The following PIP4K2A variants were observed in gnomAD, a reference collection of about 807,000 sequenced individuals.
PIP4K2A encodes the protein phosphatidylinositol-5-phosphate 4-kinase type 2 alpha, also known as phosphatidylinositol 5-phosphate 4-kinase type-2 alpha.
PIP4K2A carries 14 observed loss-of-function variants against 42.9 expected under a neutral mutation model. The observed-to-expected ratio is 0.33, with a 90% CI of 0.22 to 0.51. PIP4K2A has a LOEUF of 0.51. Among genes scored for constraint, PIP4K2A ranks in the 20% least tolerant of loss-of-function variants. The probability of loss-of-function intolerance (pLI) is 0.97; values close to 1 mark genes in which losing one functional copy is unlikely to be tolerated. For missense variants in PIP4K2A, 434 were observed against 519.8 expected (o/e 0.83, Z 1.61); for synonymous variants, 192 against 192.2 (o/e 1.00, Z 0.01).
intron 7 of PIP4K2A, among the ~76,000 whole-genome samples, chr10:22,546,837 C>T (rs1246800931): frequency 6.6e-6 from 1 of 152,104 alleles, no homozygotes; most frequent in Non-Finnish European, 1.5e-5. Flanking sequence ...GGCTTCACTG[C>T]GGGGTCTGCT....
intron 7 of PIP4K2A, among the ~76,000 whole-genome samples, chr10:22,545,075 G>A (rs777320262): frequency 1.3e-4 from 20 of 152,282 alleles, no homozygotes; most frequent in South Asian, 4.1e-4. Flanking sequence ...CCCGAATCCC[G>A]GCAGGCAGAG....
chr10:22,664,142 CATATATAT>C lies in PIP4K2A; in HGVS notation c.144+50033_144+50040del, dbSNP rs1554807247. On this transcript the variant is annotated intron_variant, in intron 1 of 9. Transcript: ENST00000376573. ...ATATATATATATACATATATATATA[CATATATAT>C]ACACATATATATATATACATATATA... Among the ~76,000 whole-genome samples the C allele has an allele frequency of 8.8e-3, 245 of 27,874 alleles. 10 individuals carry two copies. Among genetic ancestry groups the C allele is most frequent in the African/African-American group, 0.029 (85 of 2,942 alleles). The allele number at this position is 27,874 out of a possible 152,430, so 18.3% of individuals were successfully genotyped here. A position where few individuals can be genotyped will look rare whatever the true frequency, so the allele number is the denominator to read the frequency against.
intron 7 of PIP4K2A, among the ~76,000 whole-genome samples, chr10:22,543,577 A>G (rs953938188): frequency 2.0e-5 from 3 of 152,226 alleles, no homozygotes; most frequent in African/African-American, 7.2e-5. Context: ...CCCCCATTAC[A>G]GTAAACATGA....
intron 1 of PIP4K2A, among the ~76,000 whole-genome samples, chr10:22,623,760 T>C (rs537621080): frequency 5.9e-5 from 9 of 152,282 alleles, no homozygotes; most frequent in Admixed American, 1.3e-4. Context: ...CTTAAGAGGA[T>C]GCCTGAAAAA....
At position 22,666,006 on chromosome 10, in the gene PIP4K2A, T is replaced by C. The variant is rs543938344; in HGVS notation, c.144+48177A>G. Among the ~76,000 whole-genome samples the C allele has an allele frequency of 2.0e-5, 3 of 152,234 alleles. No homozygotes were observed. In the East Asian group the frequency reaches 5.8e-4, roughly 29 times the overall value. On this transcript the variant is annotated intron_variant, in intron 1 of 9. Transcript: ENST00000376573. ...GCTTTCCAGGAATGCTATATAAACA[T>C]ACAACATTCTCTACAATGTCTGAAA...
At chr10:22,600,382 G>C in intron 3 of PIP4K2A, among the ~76,000 whole-genome samples, 1 of 152,070 alleles carries the variant, frequency 6.6e-6, no homozygotes, top group East Asian at 1.9e-4. Context: ...ATCTCCTCAC[G>C]GTGGCACAGT....
chr10:22,641,320 G>A (rs1319434024), intron 1 of PIP4K2A, among the ~76,000 whole-genome samples: 1 of 152,178 alleles, frequency 6.6e-6, no homozygotes, highest in Admixed American at 6.5e-5. Context: ...GCCACTCTCT[G>A]CCACTACAGA....
chr10:22,658,730 A>G (rs1490806649), intron 1 of PIP4K2A, among the ~76,000 whole-genome samples: 1 of 152,256 alleles, frequency 6.6e-6, no homozygotes, highest in African/African-American at 2.4e-5. Context: ...AGTTATCCTA[A>G]GCCCAGGAAT....
At chr10:22,602,988 T>C (rs148828638) in intron 3 of PIP4K2A, among the ~76,000 whole-genome samples, 1 of 152,202 alleles carries the variant, frequency 6.6e-6, no homozygotes, top group Non-Finnish European at 1.5e-5. Context: ...TTTCAGAGGA[T>C]AGACTTGATA....
intron 5 of PIP4K2A, among the ~76,000 whole-genome samples, chr10:22,568,228 A>G (rs543502254): frequency 6.6e-6 from 1 of 152,350 alleles, no homozygotes; most frequent in East Asian, 1.9e-4. Context: ...TCAGCCCCAC[A>G]CTTTACTCCT....
chr10:22,687,621 C>T (rs1307804844), intron 1 of PIP4K2A, among the ~76,000 whole-genome samples: 1 of 152,040 alleles, frequency 6.6e-6, no homozygotes, highest in Admixed American at 6.6e-5. Context: ...GATCAGTGGA[C>T]AACCGGTTGC....
intron 1 of PIP4K2A, among the ~76,000 whole-genome samples, chr10:22,623,449 C>T (rs1588670532): frequency 6.6e-6 from 1 of 152,146 alleles, no homozygotes. Flanking sequence ...GTGTGCTCCT[C>T]GGGGAGAAGA....
intron 1 of PIP4K2A, among the ~76,000 whole-genome samples, chr10:22,697,773 A>AAC (rs371585720): frequency 3.3e-5 from 5 of 151,560 alleles, no homozygotes; most frequent in East Asian, 1.9e-4. Flanking sequence ...CACACACACA[A>AAC]ACACACACAC....
chr10:22,607,257 TAA>T (rs1457994251), intron 3 of PIP4K2A, among the ~76,000 whole-genome samples: 5 of 152,188 alleles, frequency 3.3e-5, no homozygotes, highest in Admixed American at 3.3e-4. Context: ...AACAGTTATT[TAA>T]AGAGTTAAAA....
chr10:22,587,674 C>T (rs1837429118), intron 4 of PIP4K2A, among the ~76,000 whole-genome samples: 1 of 152,152 alleles, frequency 6.6e-6, no homozygotes, highest in Non-Finnish European at 1.5e-5. Context: ...GAGCCCACCA[C>T]CCAGTAATAT....
At chr10:22,677,927 A>G (rs773243142) in intron 1 of PIP4K2A, among the ~76,000 whole-genome samples, 19 of 152,194 alleles carry the variant, frequency 1.2e-4, no homozygotes, top group Non-Finnish European at 2.2e-4. Context: ...GAGTCGATAT[A>G]ATAGGCCACT....
chr10:22,704,722 G>C (rs1047948222), intron 1 of PIP4K2A, among the ~76,000 whole-genome samples: 1 of 151,166 alleles, frequency 6.6e-6, no homozygotes, highest in Admixed American at 6.6e-5. Flanking sequence ...GGGTGAAGGA[G>C]AGCTTCTGCT....
intron 5 of PIP4K2A, among the ~76,000 whole-genome samples, 196 bp downstream of exon 5, chr10:22,573,115 A>G (rs1837028927): frequency 1.3e-5 from 2 of 152,196 alleles, no homozygotes; most frequent in Non-Finnish European, 2.9e-5. Context: ...TAGATGTGAT[A>G]TCTCTAACAT....
intron 2 of PIP4K2A, 34 bp from the exon 3 acceptor site, chr10:22,608,057 G>C (rs1267519499): frequency 1.1e-5 from 15 of 1,414,978 alleles, no homozygotes; most frequent in Non-Finnish European, 1.5e-5. Context: ...AAAGCTCAGA[G>C]AGAGTCAATC....
Sources: gnomAD v4.1 joint callset for allele counts (sites outside exome capture counted in the v4.1 genomes callset) on GRCh38, gnomAD v4.1.1 for gene constraint, MANE v1.5 for transcripts, NCBI Gene and HGNC (gene_info 2026-07-23, HGNC 2026-07-21) for gene names.